Variants in SEPTIN9 observed in about 807,000 individuals in gnomAD.
The protein encoded by SEPTIN9 is septin-9.
Under a neutral mutation model 56.6 loss-of-function variants are expected in SEPTIN9, and 13 were observed. The ratio of observed to expected loss-of-function variants is 0.23; its 90% confidence interval spans 0.15 to 0.37. The LOEUF is 0.37. Ranked by LOEUF, SEPTIN9 falls within the 10% of genes least tolerant of loss-of-function variation. SEPTIN9 has a pLI of 1.00. For synonymous variants in SEPTIN9, 332 were observed against 334.1 expected (o/e 0.99, Z 0.07); for missense variants, 650 against 823.1 (o/e 0.79, Z 2.57).
At chr17:77,373,728 C>G (rs537893146) in intron 2 of SEPTIN9, 2 of 1,274,684 alleles carry the variant, frequency 1.6e-6, no homozygotes, top group African/African-American at 3.1e-5. Flanking sequence ...CCCGTGCCCG[C>G]GCCGCCTACG....
At chr17:77,363,971 C>T (rs905510188) in intron 2 of SEPTIN9, among the ~76,000 whole-genome samples, 2 of 151,772 alleles carry the variant, frequency 1.3e-5, no homozygotes, top group Admixed American at 1.3e-4. Flanking sequence ...TGGCCAGTGA[C>T]TCATGCAGGG....
At chr17:77,287,047 A>C (rs1281506846) in intron 1 of SEPTIN9, among the ~76,000 whole-genome samples, 1 of 152,244 alleles carries the variant, frequency 6.6e-6, no homozygotes, top group Non-Finnish European at 1.5e-5. Context: ...TACACAGCAC[A>C]CAGCGCTGTG....
chr17:77,416,754 C>T (rs760237320), intron 3 of SEPTIN9, among the ~76,000 whole-genome samples: 2 of 152,166 alleles, frequency 1.3e-5, no homozygotes, highest in South Asian at 2.1e-4. Context: ...GCCCACTCAA[C>T]GCTGGAACTG....
chr17:77,447,259 T>C (rs2037777385), intron 3 of SEPTIN9: 1 of 165,594 alleles, frequency 6.0e-6, no homozygotes, highest in African/African-American at 2.4e-5. Flanking sequence ...GGGGCGTGGA[T>C]GTGCCGCCCT....
Position 77,437,471 on chromosome 17 carries a change from G to A in SEPTIN9, c.721+34768G>A, listed in dbSNP as rs1598374632. On this transcript the variant is annotated intron_variant, in intron 3 of 11. Transcript: ENST00000427177. This position sits in a 1 kb window ranked among gnomAD's most constrained non-coding sequence, Gnocchi z 5.3. ...CCAACTCTCTCACGGAGAAGCCAGGGGATGGCTCTCAGTACTCTCGGGGGT... is the reference window on the plus strand; with the variant it reads ...CCAACTCTCTCACGGAGAAGCCAGGAGATGGCTCTCAGTACTCTCGGGGGT... 6.6e-6 allele frequency among the ~76,000 whole-genome samples: 1 copy of A among 152,132 alleles called. No homozygotes were observed. The highest frequency in any genetic ancestry group is 2.4e-5 in the African/African-American group (1 of 41,410).
At chr17:77,349,910 T>C (rs2034003593) in intron 2 of SEPTIN9, among the ~76,000 whole-genome samples, 1 of 152,222 alleles carries the variant, frequency 6.6e-6, no homozygotes, top group Admixed American at 6.5e-5. Flanking sequence ...GGCAGTGGCC[T>C]CTCTGCCTTG....
At chr17:77,304,464 G>A (rs1449020974) in intron 1 of SEPTIN9, among the ~76,000 whole-genome samples, 2 of 152,148 alleles carry the variant, frequency 1.3e-5, no homozygotes, top group South Asian at 2.1e-4. Context: ...TGTTTCCTAC[G>A]GATAAGAGGC....
At position 77,435,633 on chromosome 17, in the gene SEPTIN9, A is replaced by G. The variant is rs556017260; in HGVS notation, c.721+32930A>G. On this transcript the variant is annotated intron_variant, in intron 3 of 11. Coordinates refer to ENST00000427177, the MANE Select transcript of SEPTIN9 (RefSeq NM_001113491.2). The surrounding 1 kb of genome is among the most constrained non-coding windows in gnomAD (Gnocchi z 4.5). ...CATGTCACTCCCAAAGGATGTTGAC[A>G]CAGAATGAAGCAGCTAGGGGAGGCG... is the stretch of plus-strand genomic sequence containing the variant. Among the ~76,000 whole-genome samples the G allele has an allele frequency of 4.7e-4, 71 of 152,360 alleles. No individual in the cohort carries two copies. The highest frequency in any genetic ancestry group is 8.4e-4 in the Non-Finnish European group (57 of 68,028).
At chr17:77,470,281 T>C (rs1407592355) in intron 3 of SEPTIN9, among the ~76,000 whole-genome samples, 2 of 148,386 alleles carry the variant, frequency 1.3e-5, no homozygotes, top group African/African-American at 5.0e-5. Context: ...CATCCACTTA[T>C]CCACCCATCT....
At chr17:77,409,342 G>T (rs1233130849) in intron 3 of SEPTIN9, among the ~76,000 whole-genome samples, 1 of 152,128 alleles carries the variant, frequency 6.6e-6, no homozygotes, top group South Asian at 2.1e-4. Flanking sequence ...GTGGTGGGAC[G>T]GGGTGGGGCC....
chr17:77,300,396 T>A (rs2031986390), intron 1 of SEPTIN9, among the ~76,000 whole-genome samples: 1 of 152,106 alleles, frequency 6.6e-6, no homozygotes, highest in Non-Finnish European at 1.5e-5. Context: ...AAGGTTGTTC[T>A]GTGTCTAGGC....
chr17:77,354,326 A>G (rs1413508714), intron 2 of SEPTIN9, among the ~76,000 whole-genome samples: 2 of 152,184 alleles, frequency 1.3e-5, no homozygotes, highest in Non-Finnish European at 2.9e-5. Flanking sequence ...ACGCACATGA[A>G]CGCTCACTCA....
In SEPTIN9 at chr17:77,285,094, C is replaced by T. The variant is rs551954741; in HGVS notation, c.19+3540C>T. On this transcript the variant is annotated intron_variant, in intron 1 of 11. Transcript: ENST00000427177. ...GGCTGGGGTTACGCCATTGCTAGGACGTTCCAGAAGCCTCCATGATCTTCC... is the reference window on the plus strand; with the variant it reads ...GGCTGGGGTTACGCCATTGCTAGGATGTTCCAGAAGCCTCCATGATCTTCC... Among the ~76,000 whole-genome samples, 5 of 152,302 alleles carry T rather than the reference C, an allele frequency of 3.3e-5. No homozygotes were observed. In the South Asian group the frequency reaches 6.2e-4, roughly 19 times the overall value.
chr17:77,353,925 A>G (rs2034140722), intron 2 of SEPTIN9, among the ~76,000 whole-genome samples: 1 of 152,140 alleles, frequency 6.6e-6, no homozygotes, highest in Admixed American at 6.5e-5. Flanking sequence ...CATGCACAAG[A>G]ACACGAAGAC....
chr17:77,382,320 C>T (rs950587520), intron 2 of SEPTIN9, among the ~76,000 whole-genome samples: 5 of 152,242 alleles, frequency 3.3e-5, no homozygotes, highest in African/African-American at 7.2e-5. Context: ...TGAGCCACTG[C>T]GCTCGGCCTT....
At chr17:77,332,571 G>C (rs900594706) in intron 2 of SEPTIN9, among the ~76,000 whole-genome samples, 3 of 152,172 alleles carry the variant, frequency 2.0e-5, no homozygotes, top group Non-Finnish European at 2.9e-5. Flanking sequence ...AGATGCACAG[G>C]TGTGAAACGT....
chr17:77,435,627 G>A lies in SEPTIN9; in HGVS notation c.721+32924G>A, dbSNP rs144198995. ...CTCACACATGTCACTCCCAAAGGAT[G>A]TTGACACAGAATGAAGCAGCTAGGG... On this transcript the variant is annotated intron_variant, in intron 3 of 11. Coordinates refer to ENST00000427177, the MANE Select transcript of SEPTIN9 (RefSeq NM_001113491.2). The surrounding 1 kb of genome is among the most constrained non-coding windows in gnomAD (Gnocchi z 4.5). Among the ~76,000 whole-genome samples, 3 of 152,356 alleles carry A rather than the reference G, an allele frequency of 2.0e-5. No individual in the cohort carries two copies. Among genetic ancestry groups the A allele is most frequent in the East Asian group, 3.9e-4 (2 of 5,186 alleles).
chr17:77,413,825 C>T (rs1018662757), intron 3 of SEPTIN9, among the ~76,000 whole-genome samples: 7 of 151,378 alleles, frequency 4.6e-5, no homozygotes, highest in South Asian at 2.1e-4. Flanking sequence ...ATTGACACCA[C>T]GAACCAGGAC....
chr17:77,379,542 G>A (rs570126503), intron 2 of SEPTIN9, among the ~76,000 whole-genome samples: 3 of 152,274 alleles, frequency 2.0e-5, no homozygotes, highest in African/African-American at 7.2e-5. Flanking sequence ...GCCTGGTGCC[G>A]GGAGAGCAGA....
Sources: gnomAD v4.1 joint callset for allele counts (sites outside exome capture counted in the v4.1 genomes callset) on GRCh38, gnomAD v4.1.1 for gene constraint, Gnocchi (gnomAD v3.1) non-coding constraint, MANE v1.5 for transcripts, NCBI Gene and HGNC (gene_info 2026-07-23, HGNC 2026-07-21) for gene names.